Variants in RBFOX3 observed in about 807,000 individuals in gnomAD.
The protein encoded by RBFOX3 is RNA binding protein fox-1 homolog 3.
RBFOX3 carries 17 observed loss-of-function variants against 48.7 expected under a neutral mutation model. That is an observed-to-expected ratio of 0.35 (90% confidence interval 0.24 to 0.52). The LOEUF (loss-of-function observed/expected upper bound fraction) is 0.52. Among genes scored for constraint, RBFOX3 ranks in the 20% least tolerant of loss-of-function variants. The pLI is 0.94. For synonymous variants in RBFOX3, 212 were observed against 209.5 expected (o/e 1.01, Z -0.10); for missense variants, 382 against 497.5 (o/e 0.77, Z 2.21).
chr17:79,493,270 C>T (rs1301829739), intron 1 of RBFOX3, among the ~76,000 whole-genome samples: 5 of 152,126 alleles, frequency 3.3e-5, no homozygotes, highest in African/African-American at 4.8e-5. Flanking sequence ...ATGAGGGATC[C>T]GCCCCCATGA....
rs2075004620 is a variant in RBFOX3, at chr17:79,299,712, T to C, written c.-74+8012A>G. Among the ~76,000 whole-genome samples the C allele has an allele frequency of 6.6e-6, 1 of 152,084 alleles. No individual in the cohort carries two copies. Among genetic ancestry groups the C allele is most frequent in the Admixed American group, 6.5e-5 (1 of 15,276 alleles). On this transcript the variant is annotated intron_variant, in intron 3 of 14. Coordinates refer to ENST00000693108, the MANE Select transcript of RBFOX3 (RefSeq NM_001350451.2). The surrounding 1 kb of genome is among the most constrained non-coding windows in gnomAD (Gnocchi z 4.5). ...TTTGGTTAAACTGAGTTAATTAGGG[T>C]GAGTCTTAATCCAAAGTGACTGTTC...
Position 79,423,221 on chromosome 17 carries a change from C to T in RBFOX3, c.-175+59233G>A, listed in dbSNP as rs1407134177. 6.6e-6 allele frequency among the ~76,000 whole-genome samples: 1 copy of T among 152,202 alleles called. No individual in the cohort carries two copies. The highest frequency in any genetic ancestry group is 2.4e-5 in the African/African-American group (1 of 41,452). On this transcript the variant is annotated intron_variant, in intron 2 of 14. Transcript: ENST00000693108. The surrounding 1 kb of genome is among the most constrained non-coding windows in gnomAD (Gnocchi z 4.9). ...AACTCCTCACGTCCTGCGGTCTCCC[C>T]GTGGAAGCCCCATCTTTCCAGGTTC... is the stretch of plus-strand genomic sequence containing the variant.
intron 1 of RBFOX3, among the ~76,000 whole-genome samples, chr17:79,606,772 C>G (rs2093840571): frequency 6.6e-6 from 1 of 152,192 alleles, no homozygotes; most frequent in African/African-American, 2.4e-5. Flanking sequence ...GTGCAATGCT[C>G]CTTGCATGCC....
chr17:79,323,632 C>T (rs4790010), intron 2 of RBFOX3, among the ~76,000 whole-genome samples: 148,287 of 152,320 alleles, frequency 0.97, 72,295 homozygotes, highest in East Asian at 1. Flanking sequence ...CTCCCTGCAG[C>T]GGGGGCTCGG....
chr17:79,138,251 T>A (rs919966784), intron 4 of RBFOX3, among the ~76,000 whole-genome samples: 1 of 152,146 alleles, frequency 6.6e-6, no homozygotes, highest in Admixed American at 6.5e-5. Context: ...AGACCGTGCA[T>A]GCCTCTACAT....
rs1312887867 is a variant in RBFOX3, at chr17:79,199,594, G to T, written c.-34+36172C>A. Among the ~76,000 whole-genome samples, 1 of 152,186 alleles carries T rather than the reference G, an allele frequency of 6.6e-6. No individual in the cohort carries two copies. The highest frequency in any genetic ancestry group is 1.5e-5 in the Non-Finnish European group (1 of 68,036). On this transcript the variant is annotated intron_variant, in intron 4 of 14. Coordinates refer to ENST00000693108, the MANE Select transcript of RBFOX3 (RefSeq NM_001350451.2). This position sits in a 1 kb window ranked among gnomAD's most constrained non-coding sequence, Gnocchi z 5.1. ...ACACACTGGTTTGGTCCCAGTTCAAGAAGTAATTAGATATGCTCTCAAAGA... is the reference window on the plus strand; with the variant it reads ...ACACACTGGTTTGGTCCCAGTTCAATAAGTAATTAGATATGCTCTCAAAGA...
At chr17:79,631,711 G>A in the RBFOX3 span, among the ~76,000 whole-genome samples, 1 of 152,182 alleles carries the variant, frequency 6.6e-6, no homozygotes, top group African/African-American at 2.4e-5. Context: ...AGGAGGAGCT[G>A]CCCACACTTC....
chr17:79,549,759 G>A (rs1456373594), intron 1 of RBFOX3, among the ~76,000 whole-genome samples: 2 of 152,196 alleles, frequency 1.3e-5, no homozygotes, highest in African/African-American at 4.8e-5. Flanking sequence ...TCACCATGGG[G>A]CCAAATATCA....
At chr17:79,181,172 C>G (rs994976513) in intron 4 of RBFOX3, among the ~76,000 whole-genome samples, 1 of 152,222 alleles carries the variant, frequency 6.6e-6, no homozygotes, top group Non-Finnish European at 1.5e-5. Context: ...CACTGAGGTT[C>G]AGAGTGGTGA....
At chr17:79,161,826 C>T (rs1299978007) in intron 4 of RBFOX3, among the ~76,000 whole-genome samples, 1 of 152,194 alleles carries the variant, frequency 6.6e-6, no homozygotes, top group Non-Finnish European at 1.5e-5. Context: ...AACTCCTGAC[C>T]TCTTGATCCG....
intron 3 of RBFOX3, among the ~76,000 whole-genome samples, chr17:79,270,656 G>A (rs540425487): frequency 6.6e-6 from 1 of 152,386 alleles, no homozygotes; most frequent in South Asian, 2.1e-4. Flanking sequence ...TCCAGGTGCA[G>A]CGCCTGCAAA....
intron 3 of RBFOX3, among the ~76,000 whole-genome samples, chr17:79,241,198 G>A (rs2062323171): frequency 6.8e-6 from 1 of 147,318 alleles, no homozygotes; most frequent in African/African-American, 2.5e-5. Context: ...TTTTAGTAGA[G>A]ATGGGAGGTC....
At chr17:79,228,682 A>G (rs2060623187) in intron 4 of RBFOX3, among the ~76,000 whole-genome samples, 1 of 152,212 alleles carries the variant, frequency 6.6e-6, no homozygotes, top group Admixed American at 6.5e-5. Context: ...ACGTGGAGCA[A>G]AGCAGCTTTG....
intron 2 of RBFOX3, among the ~76,000 whole-genome samples, chr17:79,360,387 CCCG>C (rs937358137): frequency 3.6e-4 from 55 of 152,198 alleles, no homozygotes; most frequent in Non-Finnish European, 2.2e-4. Flanking sequence ...AGACTGCAAT[CCCG>C]CCAACAGGTG....
At chr17:79,380,562 G>C (rs1275561660) in intron 2 of RBFOX3, among the ~76,000 whole-genome samples, 2 of 152,252 alleles carry the variant, frequency 1.3e-5, no homozygotes, top group East Asian at 1.9e-4. Context: ...CTGAGCCAGA[G>C]AGCAGGGACC....
chr17:79,506,450 C>T (rs1206628333), intron 1 of RBFOX3, among the ~76,000 whole-genome samples: 2 of 152,180 alleles, frequency 1.3e-5, no homozygotes, highest in Non-Finnish European at 2.9e-5. Flanking sequence ...CCAGAGGCTG[C>T]GCTGGGTGAC....
chr17:79,574,404 G>T (rs994054103), intron 1 of RBFOX3, among the ~76,000 whole-genome samples: 1 of 152,138 alleles, frequency 6.6e-6, no homozygotes. Context: ...CCAAGATGGC[G>T]ATCAAAGTGA....
At chr17:79,105,857 G>C (rs1363418794) in intron 6 of RBFOX3, among the ~76,000 whole-genome samples, 1 of 152,022 alleles carries the variant, frequency 6.6e-6, no homozygotes, top group Non-Finnish European at 1.5e-5. Context: ...CTGTGGCCAG[G>C]GCAGGCCTGG....
chr17:79,145,587 C>T (rs2042865756), intron 4 of RBFOX3, among the ~76,000 whole-genome samples: 1 of 152,398 alleles, frequency 6.6e-6, no homozygotes, highest in African/African-American at 2.4e-5. Context: ...CCGCCCTGGC[C>T]TTCCTTCTGG....
Sources: allele counts gnomAD v4.1 joint callset (sites outside exome capture counted in the v4.1 genomes callset), GRCh38; gene constraint gnomAD v4.1.1; non-coding constraint Gnocchi (gnomAD v3.1); transcripts MANE v1.5; gene names NCBI Gene and HGNC (gene_info 2026-07-23, HGNC 2026-07-21).